POLD1: variants seen among roughly 807,000 people sequenced by gnomAD.
POLD1 encodes DNA polymerase delta 1, catalytic subunit, also known as DNA polymerase delta catalytic subunit.
POLD1 carries 79 observed loss-of-function variants against 129.7 expected under a neutral mutation model. That is an observed-to-expected ratio of 0.61 (90% confidence interval 0.51 to 0.73). The LOEUF (loss-of-function observed/expected upper bound fraction) is 0.73, where lower values mean the gene tolerates loss of function less well. Among genes scored for constraint, POLD1 ranks in the 30% least tolerant of loss-of-function variants. POLD1 has a pLI of 0.00. For synonymous variants in POLD1, 714 were observed against 683.3 expected, an observed-to-expected ratio of 1.04 and a Z score of -0.70; for missense variants, 1,338 against 1,595.8, an observed-to-expected ratio of 0.84 and a Z score of 2.75.
chr19:50,415,773 C>T lies in POLD1; in HGVS notation c.2767C>T (p.Pro923Ser). 1 of 1,571,944 alleles carries T rather than the reference C, an allele frequency of 6.4e-7. No homozygotes were observed. Among genetic ancestry groups the T allele is most frequent in the Non-Finnish European group, 8.6e-7 (1 of 1,161,194 alleles). ...TGCGCCCAGCCTGGGCGACCGCGTC[C>T]CCTACGTGATCATCAGTGCCGCCAA... ...GSAPSLGDRV[P>S]YVIISAAKGV... Residue 923 changes from proline to serine, a missense_variant, in exon 22 of 27, where the codon CCC becomes TCC. Physicochemically the swap from Pro to Ser is moderately conservative, Grantham distance 74. Around this residue, in one of 3 missense-constraint regions of POLD1, gnomAD observed 286 missense variants for 277.5 expected, o/e 1.03. Coordinates refer to ENST00000440232, the MANE Select transcript of POLD1 (RefSeq NM_002691.4).
chr19:50,386,735 GAGTC>G (rs955971719), intron 1 of POLD1, among the ~76,000 whole-genome samples: 7 of 152,220 alleles, frequency 4.6e-5, no homozygotes, highest in African/African-American at 1.7e-4. Flanking sequence ...TCCCAGAGGA[GAGTC>G]AGTCCTTGCT....
rs374016016 is a variant in POLD1, at chr19:50,416,436, C to G, written c.2861C>G (p.Thr954Arg). The change falls in exon 23 of 27, where the codon ACG (threonine) becomes AGG (arginine). Residue 954 changes from threonine (T) to arginine (R), a missense_variant. Around this residue, in one of 3 missense-constraint regions of POLD1, gnomAD observed 286 missense variants for 277.5 expected, o/e 1.03. Transcript: ENST00000440232. ...CTGGAGCACAGCCTGCCCATTGACA[C>G]GCAGTACTACCTGGAGCAGCAGCTG... ...FVLEHSLPID[T>R]QYYLEQQLAK... is the part of the protein sequence containing the mutation. 2.2e-5 allele frequency: 34 copies of G among 1,549,956 alleles called. No individual in the cohort carries two copies. The African/African-American group carries it at 3.3e-4, about 15-fold the overall frequency.
Position 50,401,391 on chromosome 19 carries a change from A to ATTT in POLD1, c.317-365_317-363dup, listed in dbSNP as rs1203165864. ...TGTATATATATATATATATATATAT[A>ATTT]TTTTTTTTTTTTTTTTTTTTTTTTC... On this transcript the variant is annotated intron_variant, in intron 3 of 26. Coordinates refer to ENST00000440232, the MANE Select transcript of POLD1 (RefSeq NM_002691.4). 2.7e-3 allele frequency among the ~76,000 whole-genome samples: 175 copies of ATTT among 65,958 alleles called. 1 individual carries two copies. Among genetic ancestry groups the ATTT allele is most frequent in the Non-Finnish European group, 3.5e-3 (135 of 38,998 alleles). 43.3% of individuals were successfully genotyped at this position (65,958 alleles called of 152,430 possible). A position where few individuals can be genotyped will look rare whatever the true frequency, so the allele number is the denominator to read the frequency against.
intron 17 of POLD1, among the ~76,000 whole-genome samples, chr19:50,410,288 G>C (rs565334445): frequency 5.8e-4 from 89 of 152,324 alleles, no homozygotes; most frequent in African/African-American, 1.9e-3. Context: ...GGGTCTTCCT[G>C]TCCAGCCTTC....
chr19:50,400,225 T>A (rs868842774), intron 3 of POLD1, among the ~76,000 whole-genome samples: 3,082 of 135,116 alleles, frequency 0.023, 257 homozygotes, highest in African/African-American at 0.083. Context: ...TTTTTTTTTT[T>A]TTTTTTTTTT....
At chr19:50,397,833 C>T (rs571362464) in intron 1 of POLD1, among the ~76,000 whole-genome samples, 17 of 152,142 alleles carry the variant, frequency 1.1e-4, no homozygotes, top group East Asian at 1.9e-4. Context: ...TTACTATAAA[C>T]GGCATTTTGG....
Position 50,396,970 on chromosome 19 carries a change from C to T in POLD1, c.-1-1881C>T, listed in dbSNP as rs559662529. 3.8e-4 allele frequency among the ~76,000 whole-genome samples: 57 copies of T among 150,838 alleles called. 1 individual carries two copies. The South Asian group carries it at 0.012, about 31-fold the overall frequency. ...ATTAGCCAGGCATGGTGGTGGGCAC[C>T]TGTGATCCCAGCTACTCAGGAGGCT... On this transcript the variant is annotated intron_variant, in intron 1 of 26. Transcript: ENST00000440232.
rs1447313883 is a variant in POLD1, at chr19:50,409,294, C to T, written c.2006+59C>T. 2 of 1,319,686 alleles carry T rather than the reference C, an allele frequency of 1.5e-6. No homozygotes were observed. The highest frequency in any genetic ancestry group is 1.1e-6 in the Non-Finnish European group (1 of 919,582). The allele number at this position is 1,319,686 out of a possible 1,614,324, so 81.7% of individuals were successfully genotyped here. A position where few individuals can be genotyped will look rare whatever the true frequency, so the allele number is the denominator to read the frequency against. ...ACCTGTTGGGGCCTCTGGGCAATCC[C>T]TGTCCCTCACTGGGACACCCCAGGG... On this transcript the variant is annotated intron_variant, in intron 16 of 26. Coordinates refer to ENST00000440232, the MANE Select transcript of POLD1 (RefSeq NM_002691.4). This position sits in a 1 kb window ranked among gnomAD's most constrained non-coding sequence, Gnocchi z 5.8.
Position 50,402,340 on chromosome 19 carries a change from C to T in POLD1, c.725C>T (p.Ala242Val), listed in dbSNP as rs753689379. 13 of 1,610,940 alleles carry T rather than the reference C, an allele frequency of 8.1e-6. No individual in the cohort carries two copies. Among genetic ancestry groups the T allele is most frequent in the Middle Eastern group, 1.6e-4 (1 of 6,074 alleles). ...GCAGGCCTGGGCACGCCCAGCTTCG[C>T]GCCCTACGAGGCCAACGTCGACTTT... is the stretch of plus-strand genomic sequence containing the variant. ...RVAGLGTPSF[A>V]PYEANVDFEI... The change falls in exon 6 of 27, where the codon GCG (alanine) becomes GTG (valine). Residue 242 changes from alanine (A) to valine (V), a missense_variant. By Grantham distance (64) the Ala-to-Val change is moderately conservative. Around this residue, in one of 3 missense-constraint regions of POLD1, gnomAD observed 720 missense variants for 1,002.6 expected, o/e 0.72. Coordinates refer to ENST00000440232, the MANE Select transcript of POLD1 (RefSeq NM_002691.4).
intron 1 of POLD1, among the ~76,000 whole-genome samples, chr19:50,389,112 T>C (rs953935656): frequency 6.6e-6 from 1 of 151,548 alleles, no homozygotes; most frequent in African/African-American, 2.4e-5. Context: ...ATTACAGGCA[T>C]GAGCCACCGC....
Position 50,403,085 on chromosome 19 carries a change from A to C in POLD1, c.1003A>C (p.Ile335Leu). 6.4e-7 allele frequency: 1 copy of C among 1,564,554 alleles called. No homozygotes were observed. Among genetic ancestry groups the C allele is most frequent in the South Asian group, 1.2e-5 (1 of 85,156 alleles). Residue 335 changes from isoleucine (I) to leucine (L), a missense_variant, in exon 9 of 27, where the codon ATC (isoleucine) becomes CTC (leucine). Ile to Leu is a conservative substitution (Grantham distance 5). Transcript: ENST00000440232. ...IFPEPERDPV[I>L]QICSLGLRWG... ...CCCTGAGCCTGAGCGGGACCCTGTCATCCAGATCTGCTCGCTGGGCCTGCG... is the reference window on the plus strand; with the variant it reads ...CCCTGAGCCTGAGCGGGACCCTGTCCTCCAGATCTGCTCGCTGGGCCTGCG...
At chr19:50,410,232 A>C (rs1196147400) in intron 17 of POLD1, among the ~76,000 whole-genome samples, 1 of 152,196 alleles carries the variant, frequency 6.6e-6, no homozygotes, top group Non-Finnish European at 1.5e-5. Context: ...CGAGATTGCC[A>C]AGCTGGGGTC....
chr19:50,416,575 G>T, intron 23 of POLD1, 35 bp from the exon 24 acceptor site: 1 of 1,547,034 alleles, frequency 6.5e-7, no homozygotes, highest in Non-Finnish European at 8.7e-7. Context: ...GGGCAGAGGA[G>T]ATCACCGGCC....
chr19:50,406,128 G>A lies in POLD1; in HGVS notation c.1243-54G>A, dbSNP rs532388543. On this transcript the variant is annotated intron_variant, in intron 10 of 26. Transcript: ENST00000440232. The surrounding 1 kb of genome is among the most constrained non-coding windows in gnomAD (Gnocchi z 5.5). ...GGTTGGTCTCAATCTCCGTTCTTCAGGCTTATGTGACGGGGACCCGCAGCC... is the reference window on the plus strand; with the variant it reads ...GGTTGGTCTCAATCTCCGTTCTTCAAGCTTATGTGACGGGGACCCGCAGCC... The A allele has an allele frequency of 4.4e-6, 7 of 1,586,574 alleles. No homozygotes were observed. In the African/African-American group the frequency reaches 5.4e-5, roughly 12 times the overall value.
Position 50,406,984 on chromosome 19 carries a change from AT to A in POLD1, c.1497del (p.Asn499LysfsTer15), listed in dbSNP as rs2038910836. The A allele has an allele frequency of 1.3e-6, 2 of 1,592,154 alleles. No homozygotes were observed. Among genetic ancestry groups the A allele is most frequent in the Non-Finnish European group, 1.7e-6 (2 of 1,168,292 alleles). On this transcript the variant is annotated frameshift_variant and splice_region_variant, in exon 13 of 27. Transcript: ENST00000440232. LOFTEE classifies it high-confidence loss of function. This position sits in a 1 kb window ranked among gnomAD's most constrained non-coding sequence, Gnocchi z 5.5. ...VQHSIITDLQ[N>X]GNDQTRRRLA... is the part of the protein sequence containing the mutation. ...GACCCCATCCGTGCCCATCCCCAGA[AT>A]GGGAACGACCAGACCCGCCGCCGCC...
chr19:50,386,452 G>A (rs1026917400), intron 1 of POLD1, among the ~76,000 whole-genome samples: 1 of 152,158 alleles, frequency 6.6e-6, no homozygotes, highest in Non-Finnish European at 1.5e-5. Context: ...CTCATGTCTT[G>A]AAGTAACCGG....
rs1057521278 is a variant in POLD1 at position 50,416,495 on chromosome 19, C to T, written c.2920C>T (p.Leu974=). ...CCTCCTGCGCATCTTCGAGCCCATC[C>T]TGGGCGAGGGCCGTGCCGAGGCTGT... ...KPLLRIFEPI[L]GEGRAEAVLL... is the part of the protein sequence containing the mutation. The change falls in exon 23 of 27, where the codon CTG becomes TTG. Residue 974 remains leucine, a synonymous_variant. Coordinates refer to ENST00000440232, the MANE Select transcript of POLD1 (RefSeq NM_002691.4). 9.0e-6 allele frequency: 14 copies of T among 1,552,426 alleles called. No individual in the cohort carries two copies. The highest frequency in any genetic ancestry group is 1.2e-5 in the Non-Finnish European group (14 of 1,148,906).
At chr19:50,388,441 A>C (rs543890610) in intron 1 of POLD1, among the ~76,000 whole-genome samples, 1 of 152,188 alleles carries the variant, frequency 6.6e-6, no homozygotes, top group Non-Finnish European at 1.5e-5. Context: ...ATTTATACAT[A>C]TGCCCTGCAT....
intron 1 of POLD1, among the ~76,000 whole-genome samples, chr19:50,395,541 GCCACCGCA>G (rs1423456204): frequency 2.7e-5 from 4 of 150,670 alleles, no homozygotes; most frequent in Non-Finnish European, 5.9e-5. Context: ...CCGAGATCGC[GCCACCGCA>G]CTCCAGCCTG....
Sources: gnomAD v4.1 joint callset for allele counts (sites outside exome capture counted in the v4.1 genomes callset) on GRCh38, gnomAD v4.1.1 for gene constraint, gnomAD v4.1.1 regional missense constraint, Gnocchi (gnomAD v3.1) non-coding constraint, MANE v1.5 for transcripts, NCBI Gene and HGNC (gene_info 2026-07-23, HGNC 2026-07-21) for gene names.